Variants in CAMK1D observed in about 807,000 individuals in gnomAD.
The protein encoded by CAMK1D is calcium/calmodulin dependent protein kinase ID.
CAMK1D carries 9 observed loss-of-function variants against 47.7 expected under a neutral mutation model. The observed-to-expected ratio is 0.19, with a 90% CI of 0.11 to 0.33. The LOEUF is 0.33. Among genes scored for constraint, CAMK1D ranks in the 10% least tolerant of loss-of-function variants. The pLI is 1.00. For missense variants in CAMK1D, 291 were observed against 488.7 expected (o/e 0.60, Z 3.81); for synonymous variants, 184 against 184.9 (o/e 0.99, Z 0.04).
chr10:12,795,116 A>G (rs1838138964), intron 6 of CAMK1D, among the ~76,000 whole-genome samples: 1 of 152,114 alleles, frequency 6.6e-6, no homozygotes, highest in African/African-American at 2.4e-5. Flanking sequence ...AGGTCACAGA[A>G]TGCAGTGGTC....
At chr10:12,786,999 T>G (rs769414373) in intron 5 of CAMK1D, among the ~76,000 whole-genome samples, 4 of 152,116 alleles carry the variant, frequency 2.6e-5, no homozygotes, top group Non-Finnish European at 5.9e-5. Context: ...GGCGCACATA[T>G]GTAATCCCAG....
intron 3 of CAMK1D, among the ~76,000 whole-genome samples, chr10:12,679,979 C>T (rs1840938311): frequency 6.6e-6 from 1 of 152,240 alleles, no homozygotes; most frequent in African/African-American, 2.4e-5. Context: ...GTAAGCTACA[C>T]ATCCTCTCTC....
intron 1 of CAMK1D, among the ~76,000 whole-genome samples, chr10:12,482,202 C>T (rs1468906394): frequency 6.6e-6 from 1 of 152,222 alleles, no homozygotes; most frequent in African/African-American, 2.4e-5. Flanking sequence ...AGTGCTGGCT[C>T]CTGCCTCCTC....
At chr10:12,805,057 G>T (rs879683543) in intron 6 of CAMK1D, among the ~76,000 whole-genome samples, 1 of 151,134 alleles carries the variant, frequency 6.6e-6, no homozygotes, top group Non-Finnish European at 1.5e-5. Flanking sequence ...TCAGAAGATC[G>T]AGACCATCCT....
chr10:12,378,884 A>G (rs1292147188), intron 1 of CAMK1D, among the ~76,000 whole-genome samples: 1 of 146,914 alleles, frequency 6.8e-6, no homozygotes, highest in Non-Finnish European at 1.5e-5. Flanking sequence ...CTCTCAGCTC[A>G]CTGCAACCTT....
chr10:12,610,402 A>G (rs1838584604), intron 2 of CAMK1D, among the ~76,000 whole-genome samples: 1 of 152,124 alleles, frequency 6.6e-6, no homozygotes, highest in Non-Finnish European at 1.5e-5. Flanking sequence ...CTCTGGGCAC[A>G]TTCTGATACT....
chr10:12,377,077 A>G (rs985729651), intron 1 of CAMK1D, among the ~76,000 whole-genome samples: 22 of 152,132 alleles, frequency 1.4e-4, no homozygotes, highest in Non-Finnish European at 1.3e-4. Flanking sequence ...TTATAGGTCA[A>G]GCACACATTT....
intron 3 of CAMK1D, among the ~76,000 whole-genome samples, chr10:12,711,753 T>C (rs1343616345): frequency 6.6e-6 from 1 of 152,154 alleles, no homozygotes; most frequent in Non-Finnish European, 1.5e-5. Flanking sequence ...GATCTAAATA[T>C]CTACTCTGTC....
At chr10:12,479,775 A>G (rs1413180511) in intron 1 of CAMK1D, among the ~76,000 whole-genome samples, 1 of 152,192 alleles carries the variant, frequency 6.6e-6, no homozygotes, top group Admixed American at 6.5e-5. Flanking sequence ...CCTGGCATGC[A>G]TGGGTGTACC....
At chr10:12,749,277 A>ATT (rs1021607025) in intron 3 of CAMK1D, among the ~76,000 whole-genome samples, 1 of 151,466 alleles carries the variant, frequency 6.6e-6, no homozygotes, top group East Asian at 1.9e-4. Flanking sequence ...AATCTTTGTC[A>ATT]TTTTTTTTAA....
intron 1 of CAMK1D, 56 bp from the exon 2 acceptor site, chr10:12,553,169 C>T (rs901547225): frequency 9.3e-6 from 15 of 1,611,296 alleles, no homozygotes; most frequent in Non-Finnish European, 8.5e-6. Context: ...TGAATGGAGC[C>T]ATTGTGAAAC....
chr10:12,789,773 C>T (rs1053213646), intron 5 of CAMK1D, among the ~76,000 whole-genome samples: 1 of 151,040 alleles, frequency 6.6e-6, no homozygotes, highest in Admixed American at 6.6e-5. Context: ...GTGAATACAT[C>T]ATAAAAGAAG....
At chr10:12,672,572 T>C (rs1057127378) in intron 3 of CAMK1D, among the ~76,000 whole-genome samples, 2 of 151,980 alleles carry the variant, frequency 1.3e-5, no homozygotes, top group Non-Finnish European at 2.9e-5. Flanking sequence ...GGTTTCACCA[T>C]GTTGGCCAGG....
chr10:12,661,297 C>G (rs1840267917), intron 2 of CAMK1D, among the ~76,000 whole-genome samples: 1 of 152,124 alleles, frequency 6.6e-6, no homozygotes, highest in Admixed American at 6.5e-5. Flanking sequence ...TATATGAGCT[C>G]TTGGATAGTC....
chr10:12,479,839 G>A (rs1564364316), intron 1 of CAMK1D, among the ~76,000 whole-genome samples: 1 of 152,218 alleles, frequency 6.6e-6, no homozygotes, highest in Non-Finnish European at 1.5e-5. Context: ...TGTCTGTGCA[G>A]AACTTAAAGC....
chr10:12,613,798 T>C (rs1455949758), intron 2 of CAMK1D, among the ~76,000 whole-genome samples: 1 of 152,194 alleles, frequency 6.6e-6, no homozygotes, highest in Non-Finnish European at 1.5e-5. Flanking sequence ...TTTCCTTTTG[T>C]AGGGGCAGAA....
At chr10:12,462,919 G>A (rs913350092) in intron 1 of CAMK1D, among the ~76,000 whole-genome samples, 2 of 152,174 alleles carry the variant, frequency 1.3e-5, no homozygotes, top group Non-Finnish European at 2.9e-5. Flanking sequence ...AGTGGTGTTA[G>A]TGAGAATAGC....
chr10:12,816,965 G>A (rs186048697), intron 8 of CAMK1D, among the ~76,000 whole-genome samples: 1 of 152,006 alleles, frequency 6.6e-6, no homozygotes, highest in South Asian at 2.1e-4. Context: ...CACGTGGCTG[G>A]GGAGGCCTCA....
chr10:12,674,598 G>GTTTTTTTTTTTTTT (rs1491441824), intron 3 of CAMK1D, among the ~76,000 whole-genome samples: 8 of 16,722 alleles, frequency 4.8e-4, no homozygotes, highest in South Asian at 2.8e-3. Context: ...TTGGAAAAAT[G>GTTTTTTTTTTTTTT]CTTTTTTTTT....
Sources: gnomAD v4.1 joint callset for allele counts (sites outside exome capture counted in the v4.1 genomes callset) on GRCh38, gnomAD v4.1.1 for gene constraint, MANE v1.5 for transcripts, NCBI Gene and HGNC (gene_info 2026-07-23, HGNC 2026-07-21) for gene names.